MAP3K19: variants seen among roughly 807,000 people sequenced by gnomAD.
The protein encoded by MAP3K19 is SPS1/STE20-related protein kinase YSK4.
Under a neutral mutation model 114.4 loss-of-function variants are expected in MAP3K19, and 91 were observed. The ratio of observed to expected loss-of-function variants is 0.80; its 90% confidence interval spans 0.67 to 0.95. The LOEUF is 0.95. MAP3K19 is among the 40% of genes least tolerant of loss of function. The pLI is 0.00. For missense variants in MAP3K19, 1,471 were observed against 1,573.2 expected (o/e 0.94, Z 1.10); for synonymous variants, 518 against 530.5 (o/e 0.98, Z 0.32).
chr2:134,974,449 G>C (rs1448304274), intron 12 of MAP3K19, among the ~76,000 whole-genome samples: 1 of 151,910 alleles, frequency 6.6e-6, no homozygotes, highest in African/African-American at 2.4e-5. Context: ...TTTGACTTTT[G>C]ACAGTTTGAC....
chr2:134,982,273 C>T (rs1235710221), intron 11 of MAP3K19, among the ~76,000 whole-genome samples: 2 of 151,044 alleles, frequency 1.3e-5, no homozygotes, highest in African/African-American at 4.9e-5. Context: ...CATGTACCAC[C>T]ACACTAGGCT....
Position 134,986,954 on chromosome 2 carries a change from T to G in MAP3K19, c.1918A>C (p.Asn640His). The stretch of plus-strand genomic sequence containing the variant: ...TCACTATACTTAAGATCTAGGTAAT[T>G]TAGTCTTGGCTCTGTCGGTTGAACA... Reference protein sequence around the residue: ...LSVQPTEPRLNYLDLKYSDMF... With the variant: ...LSVQPTEPRLHYLDLKYSDMF... The change falls in exon 10 of 13, where the codon AAT (asparagine) becomes CAT (histidine). Residue 640 changes from asparagine (N) to histidine (H), a missense_variant. Coordinates refer to ENST00000392915, the MANE Select transcript of MAP3K19 (RefSeq NM_025052.5). 6.2e-7 allele frequency: 1 copy of G among 1,614,012 alleles called. No homozygotes were observed. The highest frequency in any genetic ancestry group is 8.5e-7 in the Non-Finnish European group (1 of 1,180,020).
intron 3 of MAP3K19, among the ~76,000 whole-genome samples, chr2:135,029,551 TTA>T (rs765992386): frequency 2.0e-5 from 3 of 152,238 alleles, no homozygotes; most frequent in African/African-American, 7.2e-5. Context: ...TTTGGTTTTG[TTA>T]TATCTCTTCT....
At chr2:135,038,554 A>G (rs1455810774) in intron 2 of MAP3K19, among the ~76,000 whole-genome samples, 2 of 152,032 alleles carry the variant, frequency 1.3e-5, no homozygotes, top group African/African-American at 4.8e-5. Context: ...GTTCCATTAG[A>G]TAAAAATATA....
At chr2:134,977,601 A>G (rs1347593698) in intron 12 of MAP3K19, among the ~76,000 whole-genome samples, 3 of 151,908 alleles carry the variant, frequency 2.0e-5, no homozygotes, top group Non-Finnish European at 4.4e-5. Context: ...TGACCTCGTG[A>G]TCCGCCCGCC....
intron 2 of MAP3K19, among the ~76,000 whole-genome samples, chr2:135,036,519 C>T (rs1688530565): frequency 6.6e-6 from 1 of 152,094 alleles, no homozygotes; most frequent in South Asian, 2.1e-4. Flanking sequence ...AACACTGATG[C>T]TGGTGTCCCT....
chr2:134,975,977 G>C (rs185925150), intron 12 of MAP3K19, among the ~76,000 whole-genome samples: 2 of 152,182 alleles, frequency 1.3e-5, no homozygotes, highest in Non-Finnish European at 2.9e-5. Flanking sequence ...ACATGCTTTG[G>C]CTCCCTTTGT....
rs1435745551 is a variant in MAP3K19 at position 134,999,117 on chromosome 2, T to C, written c.315-120A>G. On this transcript the variant is annotated intron_variant, in intron 7 of 12. Coordinates refer to ENST00000392915, the MANE Select transcript of MAP3K19 (RefSeq NM_025052.5). The surrounding 1 kb of genome is among the most constrained non-coding windows in gnomAD (Gnocchi z 4.1). ...AAGAACTACTTCCAAATGGTGCTGCTGAAAGGAAAGGCTGAATCCTGAGAG... is the reference window on the plus strand; with the variant it reads ...AAGAACTACTTCCAAATGGTGCTGCCGAAAGGAAAGGCTGAATCCTGAGAG... 1 of 1,187,358 alleles carries C rather than the reference T, an allele frequency of 8.4e-7. No individual in the cohort carries two copies. The highest frequency in any genetic ancestry group is 2.2e-5 in the Admixed American group (1 of 44,460). 73.6% of individuals were successfully genotyped at this position (1,187,358 alleles called of 1,614,324 possible). A position where few individuals can be genotyped will look rare whatever the true frequency, so the allele number is the denominator to read the frequency against.
At chr2:135,033,546 C>A (rs1688445146) in intron 2 of MAP3K19, among the ~76,000 whole-genome samples, 1 of 36,322 alleles carries the variant, frequency 2.8e-5, no homozygotes, top group Non-Finnish European at 4.6e-5. Flanking sequence ...CCCCTCACCT[C>A]CCGGACGGGG....
intron 3 of MAP3K19, among the ~76,000 whole-genome samples, chr2:135,029,783 C>T (rs1434708666): frequency 2.6e-5 from 4 of 152,194 alleles, no homozygotes; most frequent in Admixed American, 6.5e-5. Flanking sequence ...TTGCAAGTTG[C>T]TTTGGGAAAA....
At chr2:134,983,654 T>G in intron 11 of MAP3K19, 22 bp downstream of exon 11, 1 of 1,513,328 alleles carries the variant, frequency 6.6e-7, no homozygotes, top group Non-Finnish European at 8.8e-7. Context: ...AGTGCTGATT[T>G]CAAGTTTCCA....
At chr2:135,008,295 G>A (rs998049597) in intron 5 of MAP3K19, among the ~76,000 whole-genome samples, 2 of 151,998 alleles carry the variant, frequency 1.3e-5, no homozygotes, top group Non-Finnish European at 2.9e-5. Context: ...CCTTATTTTT[G>A]TATTTTTAGT....
chr2:135,033,482 C>T (rs1209351015), intron 2 of MAP3K19, among the ~76,000 whole-genome samples: 1 of 116,586 alleles, frequency 8.6e-6, no homozygotes, highest in Non-Finnish European at 1.7e-5. Flanking sequence ...GACGGGGCGG[C>T]TGGCCGGGCA....
At chr2:135,032,429 C>G (rs985557224) in intron 2 of MAP3K19, among the ~76,000 whole-genome samples, 3 of 151,260 alleles carry the variant, frequency 2.0e-5, no homozygotes, top group Admixed American at 6.6e-5. Flanking sequence ...ATAGAACTCC[C>G]CTATGATCCA....
At chr2:135,047,157 T>C (rs1447721635) in intron 1 of MAP3K19, 28 bp downstream of exon 1, 2 of 152,142 alleles carry the variant, frequency 1.3e-5, no homozygotes, top group African/African-American at 4.8e-5. Context: ...TTATCTAAAA[T>C]GAGATGAAAA....
intron 6 of MAP3K19, among the ~76,000 whole-genome samples, chr2:135,003,801 A>C (rs555900559): frequency 6.6e-6 from 1 of 152,262 alleles, no homozygotes; most frequent in South Asian, 2.1e-4. Flanking sequence ...TGATCCGCCC[A>C]CCTTGGCCTC....
chr2:134,969,368 GGAGAGGGAGAC>G (rs1683701482), intron 12 of MAP3K19, among the ~76,000 whole-genome samples: 1 of 152,038 alleles, frequency 6.6e-6, no homozygotes, highest in Non-Finnish European at 1.5e-5. Context: ...GAGACCGTGG[GGAGAGGGAGAC>G]GAGAGGGAGA....
At chr2:135,000,282 G>A (rs779943647) in intron 6 of MAP3K19, among the ~76,000 whole-genome samples, 1 of 152,172 alleles carries the variant, frequency 6.6e-6, no homozygotes, top group African/African-American at 2.4e-5. Flanking sequence ...GTTGTCCTCA[G>A]GATGGAGAAA....
At chr2:135,018,281 C>CAAAAA (rs781510594) in intron 5 of MAP3K19, among the ~76,000 whole-genome samples, 214 of 58,198 alleles carry the variant, frequency 3.7e-3, no homozygotes, top group South Asian at 5.5e-3. Flanking sequence ...GCAACAACAG[C>CAAAAA]AAAAAAAAAA....
Sources: gnomAD v4.1 joint callset for allele counts (sites outside exome capture counted in the v4.1 genomes callset) on GRCh38, gnomAD v4.1.1 for gene constraint, Gnocchi (gnomAD v3.1) non-coding constraint, MANE v1.5 for transcripts, NCBI Gene and HGNC (gene_info 2026-07-23, HGNC 2026-07-21) for gene names.